The following AMELX variants were observed in gnomAD, a reference collection of about 807,000 sequenced individuals.
AMELX encodes the protein amelogenin, X isoform.
AMELX carries 9 observed loss-of-function variants against 15.8 expected under a neutral mutation model. The ratio of observed to expected loss-of-function variants is 0.57; its 90% CI spans 0.34 to 0.99. AMELX has a LOEUF of 0.99. Ranked by LOEUF, AMELX falls within the 50% of genes least tolerant of loss-of-function variation. The pLI is 0.02. For missense variants in AMELX, 107 were observed against 156.2 expected (o/e 0.68, Z 1.68); for synonymous variants, 61 against 58.8 (o/e 1.04, Z -0.17).
chrX:11,303,956 T>C (rs974659737), downstream of AMELX, among the ~76,000 whole-genome samples: 2 of 112,289 alleles, frequency 1.8e-5, no homozygotes, highest in Non-Finnish European at 3.8e-5. Flanking sequence ...CTACAGTTCT[T>C]GTAATCAGAA....
At chrX:11,306,212 T>A in the AMELX span, among the ~76,000 whole-genome samples, 1 of 112,304 alleles carries the variant, frequency 8.9e-6, no homozygotes, top group African/African-American at 3.2e-5. Context: ...CAATGTCACC[T>A]CTTCTAGAAA....
At position 11,294,778 on chromosome X, in the gene AMELX, A is replaced by G. The variant is rs1165838265; in HGVS notation, c.-11A>G. On this transcript the variant is annotated splice_region_variant and 5_prime_UTR_variant, in exon 2 of 6. Coordinates refer to ENST00000380714, the MANE Select transcript of AMELX (RefSeq NM_001142.2). Reference sequence around the variant, plus strand: ...AGTGGATGTTGACTTACATTTCAGAACCATCAAGAAATGGGGACCTGGATT... The same window carrying G: ...AGTGGATGTTGACTTACATTTCAGAGCCATCAAGAAATGGGGACCTGGATT... 9.1e-6 allele frequency: 11 copies of G among 1,209,920 alleles called. No homozygotes were observed. The highest frequency in any genetic ancestry group is 2.3e-4 in the Middle Eastern group (1 of 4,369).
intron 5 of AMELX, 130 bp downstream of exon 5, chrX:11,299,103 T>C: frequency 1.2e-6 from 1 of 858,570 alleles, no homozygotes; most frequent in Non-Finnish European, 1.7e-6. Context: ...ATGATTCTAT[T>C]AGTCCAAGCA....
the AMELX span, among the ~76,000 whole-genome samples, chrX:11,307,750 G>A: frequency 3.6e-5 from 4 of 112,265 alleles, no homozygotes; most frequent in Non-Finnish European, 5.6e-5. Flanking sequence ...CACTTGGAAA[G>A]CAATGGGATT....
intron 5 of AMELX, 152 bp downstream of exon 5, chrX:11,299,125 C>T: frequency 1.3e-6 from 1 of 755,045 alleles, no homozygotes; most frequent in Non-Finnish European, 1.9e-6. Context: ...TATGCTATAC[C>T]TTTATGTTAA....
the AMELX span, among the ~76,000 whole-genome samples, chrX:11,307,236 C>T: frequency 9.0e-6 from 1 of 110,959 alleles, no homozygotes; most frequent in Non-Finnish European, 1.9e-5. Flanking sequence ...ATACAGAAAG[C>T]CCATTTCAAG....
chrX:11,308,442 A>G, the AMELX span, among the ~76,000 whole-genome samples: 4 of 111,969 alleles, frequency 3.6e-5, no homozygotes, highest in Admixed American at 9.4e-5. Flanking sequence ...TGAACCAGCC[A>G]TCTGTCTTTG....
At chrX:11,304,783 T>C (rs1243068324), downstream of AMELX, among the ~76,000 whole-genome samples, 5 of 72,323 alleles carry the variant, frequency 6.9e-5, no homozygotes, top group East Asian at 1.6e-3. Flanking sequence ...TTTACTTTTT[T>C]TTTTTTTTTT....
downstream of AMELX, among the ~76,000 whole-genome samples, chrX:11,304,777 C>CTTTTTTTTTTTTT (rs953912280): frequency 2.0e-5 from 1 of 50,284 alleles, no homozygotes; most frequent in Non-Finnish European, 3.7e-5. Flanking sequence ...CTTTCTTTTA[C>CTTTTTTTTTTTTT]TTTTTTTTTT....
intron 5 of AMELX, among the ~76,000 whole-genome samples, chrX:11,299,504 CTA>C (rs1423654738): frequency 1.8e-5 from 2 of 112,059 alleles, no homozygotes; most frequent in Non-Finnish European, 3.8e-5. Flanking sequence ...GGCGGCTAAA[CTA>C]AACATACTGT....
At chrX:11,296,239 T>C (rs1435583107) in intron 2 of AMELX, among the ~76,000 whole-genome samples, 1 of 112,326 alleles carries the variant, frequency 8.9e-6, no homozygotes, top group Non-Finnish European at 1.9e-5. Flanking sequence ...TTACTTTGCA[T>C]GTCAATTATG....
chrX:11,294,645 T>G, intron 1 of AMELX, 132 bp from the exon 2 acceptor site: 2 of 710,652 alleles, frequency 2.8e-6, no homozygotes, highest in East Asian at 6.4e-5. Flanking sequence ...ATGACTGAAG[T>G]AAATTCACAA....
At chrX:11,305,869 A>T in the AMELX span, among the ~76,000 whole-genome samples, 1 of 112,019 alleles carries the variant, frequency 8.9e-6, no homozygotes, top group East Asian at 2.8e-4. Flanking sequence ...CCCTACAGCC[A>T]TGGAGAATAT....
the AMELX span, among the ~76,000 whole-genome samples, chrX:11,306,332 C>G: frequency 8.9e-5 from 10 of 112,805 alleles, no homozygotes; most frequent in East Asian, 2.2e-3. Flanking sequence ...TTGTCTCCCC[C>G]TTAGCTGTCA....
At chrX:11,302,137 C>G (rs1007699622), downstream of AMELX, among the ~76,000 whole-genome samples, 1 of 112,076 alleles carries the variant, frequency 8.9e-6, no homozygotes, top group South Asian at 3.7e-4. Flanking sequence ...TTAAATAAAA[C>G]TTAAAATTCA....
chrX:11,294,348 C>T (rs142015350), intron 1 of AMELX, among the ~76,000 whole-genome samples: 2,777 of 112,197 alleles, frequency 0.025, 87 homozygotes, highest in African/African-American at 0.085. Flanking sequence ...AGACTGTGCA[C>T]GAGACATTTC....
chrX:11,294,695 A>G (rs1406905547), intron 1 of AMELX, 82 bp from the exon 2 acceptor site: 2 of 989,171 alleles, frequency 2.0e-6, no homozygotes, highest in Non-Finnish European at 2.9e-6. Flanking sequence ...AGACTAATGT[A>G]GATTATGTGT....
rs41305177 is a variant in AMELX, at chrX:11,299,057, C to T, written c.570+84C>T. The T allele has an allele frequency of 1.9e-3, 1,998 of 1,061,874 alleles. 2 individuals carry two copies. The highest frequency in any genetic ancestry group is 2.3e-3 in the Non-Finnish European group (1,765 of 776,476). 87.5% of individuals were successfully genotyped at this position (1,061,874 alleles called of 1,213,427 possible). On this transcript the variant is annotated intron_variant, in intron 5 of 5. Transcript: ENST00000380714. ...GGCCCCAGAGTTCTAAGGTCTCCGA[C>T]AACCAAGGATCTAGAGTTGTAGTAG...
Position 11,294,674 on chromosome X carries a change from T to C in AMELX, c.-12-103T>C, listed in dbSNP as rs907794530. The C allele has an allele frequency of 3.9e-5, 34 of 866,266 alleles. No individual in the cohort carries two copies. The Admixed American group carries it at 7.1e-4, about 18-fold the overall frequency. The allele number at this position is 866,266 out of a possible 1,213,427, so 71.4% of individuals were successfully genotyped here. A position where few individuals can be genotyped will look rare whatever the true frequency, so the allele number is the denominator to read the frequency against. On this transcript the variant is annotated intron_variant, in intron 1 of 5. Transcript: ENST00000380714. ...TTCACAAACAATGGCTCCATCCTTC[T>C]TACTAGCAATAGACTAATGTAGATT...
Sources: gnomAD v4.1 joint callset for allele counts (sites outside exome capture counted in the v4.1 genomes callset) on GRCh38, gnomAD v4.1.1 for gene constraint, MANE v1.5 for transcripts, NCBI Gene and HGNC (gene_info 2026-07-23, HGNC 2026-07-21) for gene names.